The following DNAH2 variants were observed in gnomAD, a reference collection of about 807,000 sequenced individuals.
DNAH2 encodes the protein axonemal beta dynein heavy chain 2.
In DNAH2, 323 loss-of-function variants were observed where a neutral mutation model predicts 523.5. That is an observed-to-expected ratio of 0.62 (90% CI 0.56 to 0.68). The LOEUF (loss-of-function observed/expected upper bound fraction) is 0.68. DNAH2 is among the 30% of genes least tolerant of loss of function. DNAH2 has a pLI of 0.00. For synonymous variants in DNAH2, 2,093 were observed against 2,177.4 expected, an observed-to-expected ratio of 0.96 and a Z score of 1.08; for missense variants, 4,907 against 5,701.5, an observed-to-expected ratio of 0.86 and a Z score of 4.49.
chr17:7,782,789 G>C (rs1254545010), intron 39 of DNAH2, among the ~76,000 whole-genome samples: 1 of 151,604 alleles, frequency 6.6e-6, no homozygotes, highest in East Asian at 1.9e-4. Flanking sequence ...AACATAGCAA[G>C]ACCTCCATCT....
chr17:7,831,847 T>G lies in DNAH2; in HGVS notation c.12726+72T>G. 7.2e-7 allele frequency: 1 copy of G among 1,385,514 alleles called. No homozygotes were observed. The highest frequency in any genetic ancestry group is 1.3e-5 in the South Asian group (1 of 77,772). The allele number at this position is 1,385,514 out of a possible 1,614,324, so 85.8% of individuals were successfully genotyped here. On this transcript the variant is annotated intron_variant, in intron 82 of 85. Coordinates refer to ENST00000572933, the MANE Select transcript of DNAH2 (RefSeq NM_020877.5). The surrounding 1 kb of genome is among the most constrained non-coding windows in gnomAD (Gnocchi z 4.2). Reference sequence around the variant, plus strand: ...CTCAATCCTGGGCCCCCCAATCTCCTGGTTCTAGGTGGGCATAAAGCAAAC... The same window carrying G: ...CTCAATCCTGGGCCCCCCAATCTCCGGGTTCTAGGTGGGCATAAAGCAAAC...
At chr17:7,820,974 G>T (rs1023888981) in intron 72 of DNAH2, among the ~76,000 whole-genome samples, 2 of 152,142 alleles carry the variant, frequency 1.3e-5, no homozygotes, top group Non-Finnish European at 2.9e-5. Context: ...GGGAGGTGGA[G>T]GTTGCAGTGT....
In DNAH2 at chr17:7,792,771, TG is replaced by T; in HGVS notation, c.7263del (p.Lys2422ArgfsTer57). 2 of 1,614,172 alleles carry T rather than the reference TG, an allele frequency of 1.2e-6. No homozygotes were observed. Among genetic ancestry groups the T allele is most frequent in the East Asian group, 4.5e-5 (2 of 44,890 alleles). On this transcript the variant is annotated frameshift_variant, in exon 47 of 86. Coordinates refer to ENST00000572933, the MANE Select transcript of DNAH2 (RefSeq NM_020877.5). LOFTEE classifies it high-confidence loss of function. ...PILLVGPVGT[G>X]KTSIAQSVLQ... ...TTCTGCTGGTGGGTCCCGTGGGGAC[TG>T]GGAAGACCTCCATCGCCCAGAGCGT...
In DNAH2 at chr17:7,807,422, G is replaced by A; in HGVS notation, c.9613-48G>A. The A allele has an allele frequency of 1.9e-6, 3 of 1,607,702 alleles. No homozygotes were observed. Among genetic ancestry groups the A allele is most frequent in the Non-Finnish European group, 2.5e-6 (3 of 1,177,432 alleles). ...GGAGGGGATGCCTGGAGGTGAGGGG[G>A]TTGGTGGGTTGGTGGGCGACTCCCA... On this transcript the variant is annotated intron_variant, in intron 62 of 85. Transcript: ENST00000572933. The surrounding 1 kb of genome is among the most constrained non-coding windows in gnomAD (Gnocchi z 5.6).
At position 7,823,914 on chromosome 17, in the gene DNAH2, G is replaced by A. The variant is rs1417795860; in HGVS notation, c.11410G>A (p.Val3804Met). 4 of 1,613,950 alleles carry A rather than the reference G, an allele frequency of 2.5e-6. No homozygotes were observed. Among genetic ancestry groups the A allele is most frequent in the Admixed American group, 1.7e-5 (1 of 60,016 alleles). Reference sequence around the variant, plus strand: ...GCGCCAGGACCGCGTGGCCTTCTGCGTGACCTCCTTCATCATCACCAACCT... The same window carrying A: ...GCGCCAGGACCGCGTGGCCTTCTGCATGACCTCCTTCATCATCACCAACCT... ...SLRQDRVAFC[V>M]TSFIITNLGS... Residue 3804 changes from valine to methionine, a missense_variant, in exon 75 of 86, where the codon GTG becomes ATG. Physicochemically the swap from Val to Met is conservative, Grantham distance 21. Coordinates refer to ENST00000572933, the MANE Select transcript of DNAH2 (RefSeq NM_020877.5).
At chr17:7,767,131 T>C (rs1340014495) in intron 22 of DNAH2, among the ~76,000 whole-genome samples, 1 of 129,774 alleles carries the variant, frequency 7.7e-6, no homozygotes, top group Non-Finnish European at 1.6e-5. Flanking sequence ...CTGTTTTCCA[T>C]GTGTATGATT....
At chr17:7,818,810 G>A (rs760505330) in intron 70 of DNAH2, 34 bp downstream of exon 70, 22 of 1,613,008 alleles carry the variant, frequency 1.4e-5, no homozygotes, top group African/African-American at 6.7e-5. Flanking sequence ...ACTGCCCCAC[G>A]GGTCTACTCC....
rs2077125589 is a variant in DNAH2 at position 7,798,358 on chromosome 17, A to G, written c.8398+34A>G. On this transcript the variant is annotated intron_variant, in intron 54 of 85. Coordinates refer to ENST00000572933, the MANE Select transcript of DNAH2 (RefSeq NM_020877.5). The surrounding 1 kb of genome is among the most constrained non-coding windows in gnomAD (Gnocchi z 5.5). ...GGGTTTCTGAAATGCTAGGAATAAAAGATCAGATGCATACATTCCTGCAGT... is the reference window on the plus strand; with the variant it reads ...GGGTTTCTGAAATGCTAGGAATAAAGGATCAGATGCATACATTCCTGCAGT... 1 of 1,588,704 alleles carries G rather than the reference A, an allele frequency of 6.3e-7. No individual in the cohort carries two copies. The highest frequency in any genetic ancestry group is 1.7e-4 in the Middle Eastern group (1 of 5,958).
intron 12 of DNAH2, among the ~76,000 whole-genome samples, chr17:7,748,723 T>C (rs1175824214): frequency 1.3e-5 from 2 of 151,964 alleles, no homozygotes; most frequent in Non-Finnish European, 2.9e-5. Context: ...CTCGAACTCC[T>C]GAGTTCAAGC....
chr17:7,784,148 C>T (rs1408838784), intron 39 of DNAH2, among the ~76,000 whole-genome samples: 2 of 152,086 alleles, frequency 1.3e-5, no homozygotes, highest in African/African-American at 4.8e-5. Flanking sequence ...AAAGTTTCAA[C>T]TCATCAGGAA....
chr17:7,738,253 C>T (rs2075200732), intron 8 of DNAH2: 1 of 602,782 alleles, frequency 1.7e-6, no homozygotes. Context: ...GGAGTTTCTA[C>T]ATCTGGCCAA....
In DNAH2 at chr17:7,719,895, A is replaced by G; in HGVS notation, c.161A>G (p.Glu54Gly). The stretch of plus-strand genomic sequence containing the variant: ...CTGCAGGCTGAGCTCCCCAAGGAGG[A>G]GCCTGGTGGGTACTTGCTGGGGCAG... ...PELQAELPKE[E>G]PEPRLEGPQA... The change falls in exon 2 of 86, where the codon GAG becomes GGG. Residue 54 changes from glutamate (E) to glycine (G), a missense_variant. By Grantham distance (98) the Glu-to-Gly change is moderately conservative. Transcript: ENST00000572933. 6.5e-7 allele frequency: 1 copy of G among 1,541,012 alleles called. No homozygotes were observed. The highest frequency in any genetic ancestry group is 1.3e-5 in the South Asian group (1 of 79,066).
At chr17:7,741,511 C>T (rs2075350863) in intron 11 of DNAH2, among the ~76,000 whole-genome samples, 1 of 151,472 alleles carries the variant, frequency 6.6e-6, no homozygotes, top group African/African-American at 2.4e-5. Context: ...GTGCCCGCCA[C>T]CGCACCCAGC....
chr17:7,724,447 C>T (rs541180031), intron 3 of DNAH2, among the ~76,000 whole-genome samples: 20 of 152,092 alleles, frequency 1.3e-4, no homozygotes, highest in African/African-American at 3.9e-4. Flanking sequence ...AGTGAAACCC[C>T]ATCTTTACTA....
intron 7 of DNAH2, among the ~76,000 whole-genome samples, chr17:7,736,799 T>C (rs2075155029): frequency 6.6e-6 from 1 of 152,046 alleles, no homozygotes; most frequent in Non-Finnish European, 1.5e-5. Flanking sequence ...CTGGCCAACA[T>C]GGTGAAACCC....
At position 7,794,280 on chromosome 17, in the gene DNAH2, C is replaced by A. The variant is rs569890003; in HGVS notation, c.7596C>A (p.Gly2532=). ...AAATGTTCCTGATGGCTGCCATGGG[C>A]CCCCCTGGGGGTGGACGGACTGTCA... The part of the protein sequence containing the change: ...IREMFLMAAM[G]PPGGGRTVIS... The change falls in exon 49 of 86, where the codon GGC becomes GGA. Residue 2532 remains glycine, a synonymous_variant. Transcript: ENST00000572933. The A allele has an allele frequency of 6.2e-7, 1 of 1,607,476 alleles. No individual in the cohort carries two copies. The highest frequency in any genetic ancestry group is 1.3e-5 in the African/African-American group (1 of 74,588).
chr17:7,738,134 C>T, intron 8 of DNAH2: 1 of 702,918 alleles, frequency 1.4e-6, no homozygotes, highest in Non-Finnish European at 2.6e-6. Flanking sequence ...TGATACGCCT[C>T]CCCTAACATC....
chr17:7,743,218 G>T, intron 12 of DNAH2, 76 bp downstream of exon 12: 1 of 1,387,446 alleles, frequency 7.2e-7, no homozygotes, highest in Non-Finnish European at 1.0e-6. Flanking sequence ...CCCATCTTTT[G>T]ACTCCTCTCT....
chr17:7,833,205 C>T lies in DNAH2; in HGVS notation c.13113C>T (p.Arg4371=). The T allele has an allele frequency of 6.2e-7, 1 of 1,607,394 alleles. No homozygotes were observed. Among genetic ancestry groups the T allele is most frequent in the Non-Finnish European group, 8.5e-7 (1 of 1,179,978 alleles). The part of the protein sequence containing the change: ...PTIHFRPAES[R]KKSAKGMYSC... Reference sequence around the variant, plus strand: ...TCCACTTCCGGCCTGCAGAGAGCCGCAAGAAGAGCGCCAAGGGTGGGACAG... The same window carrying T: ...TCCACTTCCGGCCTGCAGAGAGCCGTAAGAAGAGCGCCAAGGGTGGGACAG... Residue 4371 remains arginine (R), a synonymous_variant, in exon 85 of 86, where the codon CGC becomes CGT. Transcript: ENST00000572933.
Sources: gnomAD v4.1 joint callset for allele counts (sites outside exome capture counted in the v4.1 genomes callset) on GRCh38, gnomAD v4.1.1 for gene constraint, Gnocchi (gnomAD v3.1) non-coding constraint, MANE v1.5 for transcripts, NCBI Gene and HGNC (gene_info 2026-07-23, HGNC 2026-07-21) for gene names.